PSMD14: variants seen among roughly 807,000 people sequenced by gnomAD.
The protein encoded by PSMD14 is proteasome 26S subunit, non-ATPase 14.
PSMD14 carries 7 observed loss-of-function variants against 41.2 expected under a neutral mutation model. The ratio of observed to expected loss-of-function variants is 0.17; its 90% CI spans 0.10 to 0.32. The LOEUF (loss-of-function observed/expected upper bound fraction) is 0.32. Among genes scored for constraint, PSMD14 ranks in the 10% least tolerant of loss-of-function variants. The pLI, the probability that PSMD14 is intolerant of heterozygous loss-of-function variation, is 1.00. For missense variants in PSMD14, 139 were observed against 375.6 expected, an observed-to-expected ratio of 0.37 and a Z score of 5.21; for synonymous variants, 114 against 122.3, an observed-to-expected ratio of 0.93 and a Z score of 0.45.
At chr2:161,325,920 A>G (rs1184918456) in intron 3 of PSMD14, among the ~76,000 whole-genome samples, 36 of 152,194 alleles carry the variant, frequency 2.4e-4, no homozygotes, top group Admixed American at 2.3e-3. Flanking sequence ...TCATTAGATG[A>G]TGCTGAAGCA....
intron 3 of PSMD14, among the ~76,000 whole-genome samples, chr2:161,361,583 A>G (rs1683290252): frequency 6.6e-6 from 1 of 152,200 alleles, no homozygotes; most frequent in Non-Finnish European, 1.5e-5. Context: ...GGCAAATTTC[A>G]CACACACAAA....
intron 3 of PSMD14, chr2:161,341,225 G>C (rs2105241896): frequency 1.0e-6 from 1 of 978,304 alleles, no homozygotes; most frequent in East Asian, 1.1e-4. Flanking sequence ...CAGGCTCCGG[G>C]CTCGCGGCCG....
intron 10 of PSMD14, 33 bp downstream of exon 10, chr2:161,395,236 A>G (rs1683777059): frequency 1.3e-6 from 2 of 1,506,652 alleles, no homozygotes; most frequent in Admixed American, 2.1e-5. Flanking sequence ...CTTCTTTATA[A>G]TCTTTGGAAT....
intron 4 of PSMD14, 73 bp downstream of exon 4, chr2:161,367,622 T>C: frequency 1.4e-6 from 2 of 1,454,022 alleles, no homozygotes; most frequent in Non-Finnish European, 1.9e-6. Flanking sequence ...TTGGAATATT[T>C]GTCACCTTAA....
At chr2:161,367,091 AATC>A in intron 3 of PSMD14, among the ~76,000 whole-genome samples, 1 of 152,284 alleles carries the variant, frequency 6.6e-6, no homozygotes, top group East Asian at 1.9e-4. Flanking sequence ...CCATAGCCTT[AATC>A]TATTAATACT....
At chr2:161,332,958 T>C (rs959598270) in intron 3 of PSMD14, among the ~76,000 whole-genome samples, 2 of 152,210 alleles carry the variant, frequency 1.3e-5, no homozygotes, top group African/African-American at 2.4e-5. Flanking sequence ...TGTAAACTCA[T>C]TTTCAAATAT....
chr2:161,395,123 C>G lies in PSMD14; in HGVS notation c.691C>G (p.Leu231Val). The change falls in exon 10 of 12, where the codon CTT (leucine) becomes GTT (valine). Residue 231 changes from leucine to valine, a missense_variant. Leu to Val is a conservative substitution (Grantham distance 32, BLOSUM62 1). Around this residue, in one of 4 missense-constraint regions of PSMD14, gnomAD observed 80 missense variants for 138.1 expected, o/e 0.58. Transcript: ENST00000409682. Reference protein sequence around the residue: ...HKKSWMEGLTLQDYSEHCKHN... With the variant: ...HKKSWMEGLTVQDYSEHCKHN... ...GAAGAGTTGGATGGAAGGTTTGACA[C>G]TTCAGGACTACAGTGAACATTGTAA... 6.3e-7 allele frequency: 1 copy of G among 1,597,930 alleles called. No homozygotes were observed. The highest frequency in any genetic ancestry group is 8.5e-7 in the Non-Finnish European group (1 of 1,172,196).
chr2:161,342,480 T>C (rs901174032), intron 3 of PSMD14, among the ~76,000 whole-genome samples: 1 of 152,204 alleles, frequency 6.6e-6, no homozygotes, highest in Non-Finnish European at 1.5e-5. Flanking sequence ...GTTGATATAA[T>C]ATAGGCGTTC....
intron 3 of PSMD14, among the ~76,000 whole-genome samples, chr2:161,342,719 T>C (rs1338285389): frequency 1.3e-5 from 2 of 152,222 alleles, no homozygotes; most frequent in Non-Finnish European, 2.9e-5. Flanking sequence ...AGTTTAAATC[T>C]TTCATTTTGC....
rs927118649 is a variant in PSMD14 at position 161,385,535 on chromosome 2, T to C, written c.534T>C (p.Thr178=). The change falls in exon 8 of 12, where the codon ACT becomes ACC. Residue 178 remains threonine, a synonymous_variant. Coordinates refer to ENST00000409682, the MANE Select transcript of PSMD14 (RefSeq NM_005805.6). ...TAGGACATGAACCAAGACAAACAAC[T>C]TCGAATCTGGGTCACTTAAACAAGC... ...MVLGHEPRQT[T]SNLGHLNKPS... is the part of the protein sequence containing the mutation. 1.2e-6 allele frequency: 2 copies of C among 1,608,598 alleles called. No individual in the cohort carries two copies. Among genetic ancestry groups the C allele is most frequent in the Non-Finnish European group, 1.7e-6 (2 of 1,176,120 alleles).
intron 3 of PSMD14, among the ~76,000 whole-genome samples, chr2:161,355,580 T>C (rs1275435994): frequency 2.0e-5 from 3 of 152,174 alleles, no homozygotes; most frequent in African/African-American, 7.2e-5. Context: ...TTTAAAGAAT[T>C]AATGCACCAT....
Position 161,341,915 on chromosome 2 carries a change from T to C in PSMD14, c.48+23042T>C, listed in dbSNP as rs796938150. On this transcript the variant is annotated intron_variant, in intron 3 of 11. Coordinates refer to ENST00000409682, the MANE Select transcript of PSMD14 (RefSeq NM_005805.6). ...TTGTGTTATAAATTATATTTTGATA[T>C]GATAATTAAGAAATCTCTCCTAACC... is the stretch of plus-strand genomic sequence containing the variant. 9.4e-4 allele frequency among the ~76,000 whole-genome samples: 142 copies of C among 150,982 alleles called. 1 individual carries two copies. The highest frequency in any genetic ancestry group is 3.3e-3 in the African/African-American group (137 of 41,340).
At chr2:161,324,154 A>G (rs182231258) in intron 3 of PSMD14, among the ~76,000 whole-genome samples, 1 of 152,360 alleles carries the variant, frequency 6.6e-6, no homozygotes, top group Admixed American at 6.5e-5. Context: ...TTCAGTTTTA[A>G]TTTGTTAAGT....
intron 10 of PSMD14, among the ~76,000 whole-genome samples, chr2:161,396,758 A>C (rs1683802962): frequency 6.6e-6 from 1 of 152,138 alleles, no homozygotes; most frequent in African/African-American, 2.4e-5. Flanking sequence ...AAGTTTTAAA[A>C]AGTTTCTGAA....
intron 7 of PSMD14, among the ~76,000 whole-genome samples, chr2:161,378,522 G>A (rs1362117527): frequency 1.3e-5 from 2 of 151,696 alleles, no homozygotes; most frequent in African/African-American, 4.8e-5. Context: ...CATTTCAATA[G>A]ATATTTATTT....
At chr2:161,400,315 C>A (rs1350051210) in intron 10 of PSMD14, among the ~76,000 whole-genome samples, 1 of 152,122 alleles carries the variant, frequency 6.6e-6, no homozygotes, top group African/African-American at 2.4e-5. Flanking sequence ...GCCATCTCAT[C>A]TGGGTTTCAT....
At chr2:161,394,032 G>A (rs1425955933) in intron 9 of PSMD14, among the ~76,000 whole-genome samples, 1 of 139,042 alleles carries the variant, frequency 7.2e-6, no homozygotes, top group African/African-American at 2.7e-5. Context: ...GTGTAGTGGC[G>A]TGACCTCAGC....
intron 3 of PSMD14, among the ~76,000 whole-genome samples, chr2:161,336,065 A>G (rs912348115): frequency 6.6e-6 from 1 of 152,240 alleles, no homozygotes; most frequent in African/African-American, 2.4e-5. Flanking sequence ...TTAATGCTGA[A>G]TTGTGGCAGA....
intron 7 of PSMD14, chr2:161,383,235 T>C (rs1683590999): frequency 1.3e-5 from 2 of 152,060 alleles, no homozygotes; most frequent in South Asian, 4.1e-4. Context: ...CATGTTTATA[T>C]TTTATTGCAT....
Sources: gnomAD v4.1 joint callset for allele counts (sites outside exome capture counted in the v4.1 genomes callset) on GRCh38, gnomAD v4.1.1 for gene constraint, gnomAD v4.1.1 regional missense constraint, MANE v1.5 for transcripts, NCBI Gene and HGNC (gene_info 2026-07-23, HGNC 2026-07-21) for gene names.